Variants in LEMD3 observed in about 807,000 individuals in gnomAD.
LEMD3 encodes the protein inner nuclear membrane protein Man1.
A neutral mutation model predicts 95.2 loss-of-function variants in LEMD3; 33 were observed. The ratio of observed to expected loss-of-function variants is 0.35; its 90% CI spans 0.26 to 0.46. The LOEUF is 0.46. Among genes scored for constraint, LEMD3 ranks in the 20% least tolerant of loss-of-function variants. The probability of loss-of-function intolerance (pLI) is 1.00; values close to 1 mark genes in which losing one functional copy is unlikely to be tolerated. For synonymous variants in LEMD3, 525 were observed against 474.6 expected, an observed-to-expected ratio of 1.11 and a Z score of -1.38; for missense variants, 1,210 against 1,192.8, an observed-to-expected ratio of 1.01 and a Z score of -0.21.
chr12:65,208,461 C>T (rs1261590344), intron 1 of LEMD3, among the ~76,000 whole-genome samples: 2 of 152,018 alleles, frequency 1.3e-5, no homozygotes, highest in Non-Finnish European at 2.9e-5. Context: ...GCTTTTGAAA[C>T]AAGGTTTCTT....
chr12:65,237,759 C>T (rs1592461743), intron 4 of LEMD3, among the ~76,000 whole-genome samples: 1 of 152,122 alleles, frequency 6.6e-6, no homozygotes, highest in South Asian at 2.1e-4. Context: ...TTTCAAAATT[C>T]TACTTTTTAC....
At chr12:65,189,805 AT>A (rs1018846382) in intron 1 of LEMD3, among the ~76,000 whole-genome samples, 3 of 152,136 alleles carry the variant, frequency 2.0e-5, no homozygotes, top group African/African-American at 7.2e-5. Flanking sequence ...CTTTGCTGGA[AT>A]TTTTAAAGGC....
intron 2 of LEMD3, among the ~76,000 whole-genome samples, chr12:65,211,753 A>C (rs1869945125): frequency 6.6e-6 from 1 of 152,196 alleles, no homozygotes; most frequent in East Asian, 1.9e-4. Context: ...TGGCTTTTTC[A>C]GTTGCCTTAA....
At chr12:65,240,332 A>G (rs945011242) in intron 8 of LEMD3, 94 bp downstream of exon 8, 8 of 943,092 alleles carry the variant, frequency 8.5e-6, no homozygotes, top group South Asian at 1.3e-5. Context: ...ACCCTTCTCA[A>G]CTAGACTTGC....
In LEMD3 at chr12:65,240,544, G is replaced by T; in HGVS notation, c.2126+306G>T. 1.2e-5 allele frequency: 5 copies of T among 417,812 alleles called. No homozygotes were observed. The South Asian group carries it at 1.6e-4, about 14-fold the overall frequency. The allele number at this position is 417,812 out of a possible 1,614,324, so 25.9% of individuals were successfully genotyped here. On this transcript the variant is annotated intron_variant, in intron 8 of 12. Transcript: ENST00000308330. ...ATAAAGAAATAGATGACAGCCAGTGGCTGGTGTTTTACTAATGTTTTTTAA... is the reference window on the plus strand; with the variant it reads ...ATAAAGAAATAGATGACAGCCAGTGTCTGGTGTTTTACTAATGTTTTTTAA...
chr12:65,219,820 T>C (rs1225131529), intron 4 of LEMD3, among the ~76,000 whole-genome samples: 2 of 152,220 alleles, frequency 1.3e-5, no homozygotes, highest in African/African-American at 4.8e-5. Context: ...GTCCTGTGAC[T>C]GGCTTATTTC....
intron 2 of LEMD3, among the ~76,000 whole-genome samples, chr12:65,215,317 CAGA>C (rs1231273952): frequency 4.6e-5 from 7 of 152,080 alleles, no homozygotes; most frequent in Admixed American, 2.0e-4. Context: ...TCTATATTTA[CAGA>C]AGAAGGAGGG....
chr12:65,222,527 A>G lies in LEMD3; in HGVS notation c.1695+3908A>G, dbSNP rs138640902. On this transcript the variant is annotated intron_variant, in intron 4 of 12. Transcript: ENST00000308330. ...CATTAATTCTTCTTTAATAAAATAGATAATAAACTCAGAAATGAATTCTGA... is the reference window on the plus strand; with the variant it reads ...CATTAATTCTTCTTTAATAAAATAGGTAATAAACTCAGAAATGAATTCTGA... Among the ~76,000 whole-genome samples the G allele has an allele frequency of 1.4e-4, 22 of 152,272 alleles. No individual in the cohort carries two copies. In the East Asian group the frequency reaches 3.7e-3, roughly 25 times the overall value.
chr12:65,238,864 G>A, intron 6 of LEMD3, 50 bp downstream of exon 6: 2 of 1,590,634 alleles, frequency 1.3e-6, no homozygotes, highest in African/African-American at 1.3e-5. Flanking sequence ...GAATTTTTGT[G>A]TGTATTTCAC....
intron 1 of LEMD3, among the ~76,000 whole-genome samples, chr12:65,208,288 C>A (rs1592445587): frequency 6.6e-6 from 1 of 152,002 alleles, no homozygotes. Flanking sequence ...AAAATGGCTG[C>A]AAGGCTCTGC....
chr12:65,178,402 C>T (rs957242229), intron 1 of LEMD3, among the ~76,000 whole-genome samples: 1 of 151,958 alleles, frequency 6.6e-6, no homozygotes, highest in Non-Finnish European at 1.5e-5. Context: ...CAGATATATC[C>T]ACGGAGACTA....
At chr12:65,174,274 A>G (rs1301416940) in intron 1 of LEMD3, among the ~76,000 whole-genome samples, 1 of 152,178 alleles carries the variant, frequency 6.6e-6, no homozygotes, top group African/African-American at 2.4e-5. Context: ...GGGTTGGATT[A>G]GATGATCCCT....
chr12:65,185,067 C>T (rs1031486551), intron 1 of LEMD3, among the ~76,000 whole-genome samples: 3 of 152,038 alleles, frequency 2.0e-5, no homozygotes, highest in African/African-American at 7.2e-5. Flanking sequence ...AAGTAATCCT[C>T]CCACCTCAGT....
intron 2 of LEMD3, among the ~76,000 whole-genome samples, chr12:65,213,390 T>C (rs937235578): frequency 2.6e-5 from 4 of 152,064 alleles, no homozygotes; most frequent in Admixed American, 2.0e-4. Flanking sequence ...CACACCCAGC[T>C]AAATTTTGTA....
intron 10 of LEMD3, among the ~76,000 whole-genome samples, chr12:65,244,548 G>A (rs1282722686): frequency 6.6e-6 from 1 of 152,134 alleles, no homozygotes; most frequent in Non-Finnish European, 1.5e-5. Context: ...TAAGGTGACT[G>A]TACAAAATGT....
Position 65,169,971 on chromosome 12 carries a change from C to T in LEMD3, c.375C>T (p.Ala125=). Residue 125 remains alanine, a synonymous_variant, in exon 1 of 13, where the codon GCC becomes GCT. Coordinates refer to ENST00000308330, the MANE Select transcript of LEMD3 (RefSeq NM_014319.5). The part of the protein sequence containing the change: ...PESLLGGPGG[A]SAAPAAGSKV... ...GCCTCCTGGGAGGGCCCGGGGGCGCCTCCGCCGCCCCCGCGGCTGGCAGCA... is the reference window on the plus strand; with the variant it reads ...GCCTCCTGGGAGGGCCCGGGGGCGCTTCCGCCGCCCCCGCGGCTGGCAGCA... The T allele has an allele frequency of 2.0e-6, 3 of 1,464,440 alleles. No homozygotes were observed. The highest frequency in any genetic ancestry group is 5.3e-5 in the East Asian group (2 of 38,032). 90.7% of individuals were successfully genotyped at this position (1,464,440 alleles called of 1,614,324 possible).
At chr12:65,244,664 T>A (rs2136357837) in intron 10 of LEMD3, among the ~76,000 whole-genome samples, 1 of 152,218 alleles carries the variant, frequency 6.6e-6, no homozygotes, top group East Asian at 1.9e-4. Flanking sequence ...AAAATAACAT[T>A]CGGCTGGGCA....
At chr12:65,186,029 C>T (rs1869050350) in intron 1 of LEMD3, among the ~76,000 whole-genome samples, 1 of 151,956 alleles carries the variant, frequency 6.6e-6, no homozygotes, top group Admixed American at 6.6e-5. Flanking sequence ...TTTTTTATTT[C>T]ATGCTGAGAT....
rs1868497420 is a variant in LEMD3, at chr12:65,170,474, C to T, written c.878C>T (p.Pro293Leu). The T allele has an allele frequency of 6.2e-7, 1 of 1,613,526 alleles. No individual in the cohort carries two copies. The highest frequency in any genetic ancestry group is 8.5e-7 in the Non-Finnish European group (1 of 1,179,856). ...CGGCCCAGACGAACCCATAGTAAGC[C>T]TCTCCCCCCGCTGACTGCTAAATCG... The part of the protein sequence containing the change: ...RHRPRRTHSK[P>L]LPPLTAKSAG... The change falls in exon 1 of 13, where the codon CCT becomes CTT. Residue 293 changes from proline (P) to leucine (L), a missense_variant. This residue lies in a region of LEMD3 where 749 missense variants were observed against 622.9 expected (regional missense o/e 1.20). Coordinates refer to ENST00000308330, the MANE Select transcript of LEMD3 (RefSeq NM_014319.5).
Sources: allele counts gnomAD v4.1 joint callset (sites outside exome capture counted in the v4.1 genomes callset), GRCh38; gene constraint gnomAD v4.1.1; regional missense constraint gnomAD v4.1.1; transcripts MANE v1.5; gene names NCBI Gene and HGNC (gene_info 2026-07-23, HGNC 2026-07-21).